KNTC1: variants seen among roughly 807,000 people sequenced by gnomAD.
KNTC1 encodes the protein kinetochore-associated protein 1.
Under a neutral mutation model 314.4 loss-of-function variants are expected in KNTC1, and 253 were observed. The ratio of observed to expected loss-of-function variants is 0.80; its 90% CI spans 0.73 to 0.89. KNTC1 has a LOEUF of 0.89. Ranked by LOEUF, KNTC1 falls within the 40% of genes least tolerant of loss-of-function variation. The probability of loss-of-function intolerance (pLI) is 0.00; values close to 1 mark genes in which losing one functional copy is unlikely to be tolerated. For synonymous variants in KNTC1, 901 were observed against 901.4 expected (o/e 1.00, Z 0.01); for missense variants, 2,475 against 2,572.9 (o/e 0.96, Z 0.82).
intron 2 of KNTC1, among the ~76,000 whole-genome samples, chr12:122,533,996 G>T (rs1326676706): frequency 6.6e-6 from 1 of 152,168 alleles, no homozygotes; most frequent in Non-Finnish European, 1.5e-5. Context: ...AGCTAGTAAG[G>T]GACTGAGCTT....
At chr12:122,528,732 T>C (rs1158747361) in intron 1 of KNTC1, among the ~76,000 whole-genome samples, 1 of 152,228 alleles carries the variant, frequency 6.6e-6, no homozygotes, top group Non-Finnish European at 1.5e-5. Flanking sequence ...TCTGCCTGTA[T>C]ACTTTAAATC....
chr12:122,612,688 G>C (rs1347232322), intron 53 of KNTC1, among the ~76,000 whole-genome samples: 2 of 152,154 alleles, frequency 1.3e-5, no homozygotes, highest in Non-Finnish European at 2.9e-5. Context: ...AAAGTGCTGG[G>C]ATTACAGGCG....
Position 122,562,594 on chromosome 12 carries a change from ATTG to A in KNTC1, c.1543-40_1543-38del, listed in dbSNP as rs56703576. The A allele has an allele frequency of 8.4e-3, 9,308 of 1,113,068 alleles. 543 individuals carry two copies. The African/African-American group carries it at 0.13, about 15-fold the overall frequency. 68.9% of individuals were successfully genotyped at this position (1,113,068 alleles called of 1,614,324 possible). A position where few individuals can be genotyped will look rare whatever the true frequency, so the allele number is the denominator to read the frequency against. On this transcript the variant is annotated intron_variant, in intron 19 of 63. Coordinates refer to ENST00000333479, the MANE Select transcript of KNTC1 (RefSeq NM_014708.6). ...TCATTTTTAATGTTTTAATTTCAAT[ATTG>A]TTGCATATAAATTCAGATTATTAAA... is the stretch of plus-strand genomic sequence containing the variant.
At chr12:122,626,124 G>C (rs532226207) in intron 63 of KNTC1, 81 bp from the exon 64 acceptor site, 234 of 959,172 alleles carry the variant, frequency 2.4e-4, no homozygotes, top group Non-Finnish European at 3.2e-4. Flanking sequence ...CTTCACTTAA[G>C]TTCTGTAGTT....
Position 122,542,756 on chromosome 12 carries a change from C to T in KNTC1, c.523+629C>T, listed in dbSNP as rs1962443453. Among the ~76,000 whole-genome samples, 7 of 150,110 alleles carry T rather than the reference C, an allele frequency of 4.7e-5. No individual in the cohort carries two copies. The South Asian group carries it at 1.5e-3, about 31-fold the overall frequency. On this transcript the variant is annotated intron_variant, in intron 6 of 63. Transcript: ENST00000333479. ...TCCAGCCTGGGCAGCAAGAGCGAAACTCTGTCTCAAAAAAAAAAATATATA... is the reference window on the plus strand; with the variant it reads ...TCCAGCCTGGGCAGCAAGAGCGAAATTCTGTCTCAAAAAAAAAAATATATA...
At chr12:122,543,280 A>G (rs1046090615) in intron 6 of KNTC1, among the ~76,000 whole-genome samples, 8 of 151,790 alleles carry the variant, frequency 5.3e-5, no homozygotes, top group African/African-American at 1.9e-4. Context: ...ACAAGATTGA[A>G]GATTTGTTTT....
At chr12:122,552,327 G>A (rs1288927810) in intron 16 of KNTC1, among the ~76,000 whole-genome samples, 1 of 152,096 alleles carries the variant, frequency 6.6e-6, no homozygotes, top group Non-Finnish European at 1.5e-5. Context: ...CTGCTGATTA[G>A]GTGGGACTAG....
chr12:122,623,583 A>T (rs1399581392), intron 62 of KNTC1, among the ~76,000 whole-genome samples: 26 of 152,206 alleles, frequency 1.7e-4, no homozygotes, highest in Non-Finnish European at 2.9e-5. Flanking sequence ...TCTGCAATTT[A>T]GTAAATTTTG....
chr12:122,583,095 A>G, intron 34 of KNTC1, 110 bp downstream of exon 34: 1 of 963,578 alleles, frequency 1.0e-6, no homozygotes, highest in East Asian at 2.6e-5. Context: ...GCGGATCACA[A>G]GGTCAGGAGA....
At chr12:122,586,372 G>A (rs1010958866) in intron 37 of KNTC1, among the ~76,000 whole-genome samples, 14 of 151,984 alleles carry the variant, frequency 9.2e-5, no homozygotes, top group African/African-American at 1.5e-4. Context: ...GTGAGCCACC[G>A]CGCCCGGCCG....
At chr12:122,549,958 T>A (rs116662127) in intron 13 of KNTC1, 94 bp downstream of exon 13, 1 of 676,700 alleles carries the variant, frequency 1.5e-6, no homozygotes, top group Middle Eastern at 4.3e-4. Context: ...ATAATTAAGC[T>A]AAGCATTAGT....
At chr12:122,597,193 TC>T (rs1175327633) in intron 43 of KNTC1, 1 of 152,462 alleles carries the variant, frequency 6.6e-6, no homozygotes, top group Non-Finnish European at 1.5e-5. Context: ...ATTACAGATT[TC>T]TCTCCAATAT....
At chr12:122,571,606 A>AC (rs1275515525) in intron 24 of KNTC1, among the ~76,000 whole-genome samples, 1 of 151,834 alleles carries the variant, frequency 6.6e-6, no homozygotes, top group Non-Finnish European at 1.5e-5. Flanking sequence ...TGATCTACCC[A>AC]CCTGGGCTTC....
Position 122,603,254 on chromosome 12 carries a change from T to C in KNTC1, c.5101+11T>C. ...AGGATATCCCTGAAGGTATGAGCTC[T>C]TCTTTTAAAATTGTAGTTAAAAAAA... On this transcript the variant is annotated intron_variant, in intron 48 of 63. Transcript: ENST00000333479. 1.3e-6 allele frequency: 2 copies of C among 1,526,046 alleles called. No homozygotes were observed. Among genetic ancestry groups the C allele is most frequent in the South Asian group, 2.5e-5 (2 of 81,118 alleles). The allele number at this position is 1,526,046 out of a possible 1,614,324, so 94.5% of individuals were successfully genotyped here.
At chr12:122,553,999 TG>T (rs1303007115) in intron 16 of KNTC1, among the ~76,000 whole-genome samples, 1 of 150,038 alleles carries the variant, frequency 6.7e-6, no homozygotes, top group Non-Finnish European at 1.5e-5. Context: ...ATTTACTAAG[TG>T]GGTGCTTGCT....
At chr12:122,534,583 G>A in intron 2 of KNTC1, 81 bp from the exon 3 acceptor site, 1 of 1,322,194 alleles carries the variant, frequency 7.6e-7, no homozygotes, top group Non-Finnish European at 1.0e-6. Flanking sequence ...GGATATTTGG[G>A]AATTTGATGA....
At chr12:122,614,566 G>A (rs1190751511) in intron 55 of KNTC1, among the ~76,000 whole-genome samples, 3 of 152,034 alleles carry the variant, frequency 2.0e-5, no homozygotes, top group South Asian at 2.1e-4. Flanking sequence ...GGGGGTCTTC[G>A]ATAGACATTC....
At chr12:122,604,530 A>G in intron 48 of KNTC1, 34 bp from the exon 49 acceptor site, 1 of 1,175,708 alleles carries the variant, frequency 8.5e-7, no homozygotes, top group South Asian at 1.5e-5. Context: ...TTTGCCTGTA[A>G]ATCTTTATTT....
At chr12:122,578,878 C>T (rs2137962575) in intron 31 of KNTC1, among the ~76,000 whole-genome samples, 1 of 152,208 alleles carries the variant, frequency 6.6e-6, no homozygotes, top group East Asian at 1.9e-4. Context: ...ACTTCTTGTT[C>T]ATAACAAAGG....
Sources: gnomAD v4.1 joint callset for allele counts (sites outside exome capture counted in the v4.1 genomes callset) on GRCh38, gnomAD v4.1.1 for gene constraint, MANE v1.5 for transcripts, NCBI Gene and HGNC (gene_info 2026-07-23, HGNC 2026-07-21) for gene names.